ILRUN: variants seen among roughly 807,000 people sequenced by gnomAD.
The protein encoded by ILRUN is protein ILRUN.
A neutral mutation model predicts 33.8 loss-of-function variants in ILRUN; 3 were observed. That is an observed-to-expected ratio of 0.09 (90% CI 0.04 to 0.23). The LOEUF (loss-of-function observed/expected upper bound fraction) is 0.23, where lower values mean the gene tolerates loss of function less well. Among genes scored for constraint, ILRUN ranks in the 10% least tolerant of loss-of-function variants. The pLI is 1.00. For synonymous variants in ILRUN, 124 were observed against 138.9 expected, an observed-to-expected ratio of 0.89 and a Z score of 0.75; for missense variants, 210 against 375.1, an observed-to-expected ratio of 0.56 and a Z score of 3.64.
intron 1 of ILRUN, among the ~76,000 whole-genome samples, chr6:34,656,544 C>A (rs1762775348): frequency 6.6e-6 from 1 of 152,188 alleles, no homozygotes; most frequent in African/African-American, 2.4e-5. Flanking sequence ...TCTCCACTTC[C>A]CACGCTATGT....
At chr6:34,694,203 C>T (rs1763707364) in intron 1 of ILRUN, among the ~76,000 whole-genome samples, 1 of 151,992 alleles carries the variant, frequency 6.6e-6, no homozygotes, top group Non-Finnish European at 1.5e-5. Context: ...AAATACATAC[C>T]TCAAACATAT....
chr6:34,638,172 G>T (rs1762404080), intron 3 of ILRUN, among the ~76,000 whole-genome samples: 1 of 152,096 alleles, frequency 6.6e-6, no homozygotes, highest in East Asian at 1.9e-4. Flanking sequence ...ACAGGCATGA[G>T]CCACCATGCC....
intron 2 of ILRUN, among the ~76,000 whole-genome samples, chr6:34,648,374 C>T (rs889753815): frequency 6.6e-6 from 1 of 152,114 alleles, no homozygotes; most frequent in African/African-American, 2.4e-5. Context: ...AGAAACCAGA[C>T]AGAGAAAGGC....
At chr6:34,656,189 T>C (rs1178053129) in intron 1 of ILRUN, among the ~76,000 whole-genome samples, 2 of 129,202 alleles carry the variant, frequency 1.5e-5, no homozygotes, top group Non-Finnish European at 3.1e-5. Flanking sequence ...TGAGCCAAGA[T>C]AGCACCATTG....
intron 1 of ILRUN, among the ~76,000 whole-genome samples, chr6:34,678,281 T>C (rs1185844431): frequency 2.6e-5 from 4 of 152,134 alleles, no homozygotes; most frequent in Admixed American, 2.6e-4. Context: ...CCTTGGGTGA[T>C]CCACCCGCCT....
intron 1 of ILRUN, among the ~76,000 whole-genome samples, chr6:34,658,885 C>T (rs1366025528): frequency 6.6e-6 from 1 of 152,200 alleles, no homozygotes. Context: ...CTAAGCCTTT[C>T]CCCATCAGTT....
intron 3 of ILRUN, among the ~76,000 whole-genome samples, chr6:34,613,791 C>T (rs1437857120): frequency 2.4e-4 from 36 of 152,210 alleles, no homozygotes; most frequent in Admixed American, 2.4e-3. Flanking sequence ...TATTATCTAG[C>T]TCTGTTTGCC....
intron 3 of ILRUN, among the ~76,000 whole-genome samples, chr6:34,636,542 T>C (rs143119330): frequency 5.7e-4 from 87 of 152,284 alleles, no homozygotes; most frequent in African/African-American, 2.0e-3. Flanking sequence ...CAATCTGCTT[T>C]TCAATAGGAG....
intron 1 of ILRUN, among the ~76,000 whole-genome samples, chr6:34,691,838 C>A (rs1347435225): frequency 6.6e-6 from 1 of 152,006 alleles, no homozygotes; most frequent in Non-Finnish European, 1.5e-5. Flanking sequence ...CAACCTAAGA[C>A]CAAACAAAAT....
Position 34,590,595 on chromosome 6 carries a change from G to A in ILRUN, c.867C>T (p.Leu289=), listed in dbSNP as rs773294367. The change falls in exon 5 of 5, where the codon CTC becomes CTT. Residue 289 remains leucine (L), a synonymous_variant. Coordinates refer to ENST00000374023, the MANE Select transcript of ILRUN (RefSeq NM_024294.4). ...NLSVVTYSKG[L]HGPYPFGQS is the part of the protein sequence containing the mutation. Reference sequence around the variant, plus strand: ...ACTGGCCGAAGGGGTAAGGCCCATGGAGCCCCTGGAAGAGAGTGAAGATAG... The same window carrying A: ...ACTGGCCGAAGGGGTAAGGCCCATGAAGCCCCTGGAAGAGAGTGAAGATAG... 6.2e-7 allele frequency: 1 copy of A among 1,609,328 alleles called. No individual in the cohort carries two copies. The highest frequency in any genetic ancestry group is 1.1e-5 in the South Asian group (1 of 90,990).
rs1761305023 is a variant in ILRUN, at chr6:34,592,049, C to G, written c.862-1449G>C. Among the ~76,000 whole-genome samples the G allele has an allele frequency of 6.6e-6, 1 of 152,160 alleles. No homozygotes were observed. Among genetic ancestry groups the G allele is most frequent in the African/African-American group, 2.4e-5 (1 of 41,440 alleles). ...AGCAGCTACACAAACCACGAACACGCTGGACCATGACGTGTGCTTCCTCCC... is the reference window on the plus strand; with the variant it reads ...AGCAGCTACACAAACCACGAACACGGTGGACCATGACGTGTGCTTCCTCCC... On this transcript the variant is annotated intron_variant, in intron 4 of 4. Transcript: ENST00000374023. The surrounding 1 kb of genome is among the most constrained non-coding windows in gnomAD (Gnocchi z 4.0).
At chr6:34,686,335 CA>C (rs1482136575) in intron 1 of ILRUN, among the ~76,000 whole-genome samples, 1 of 151,254 alleles carries the variant, frequency 6.6e-6, no homozygotes, top group African/African-American at 2.4e-5. Flanking sequence ...CCTGTCTCTA[CA>C]AAAATACAAA....
chr6:34,653,914 T>C (rs924363617), intron 2 of ILRUN, among the ~76,000 whole-genome samples: 2 of 142,034 alleles, frequency 1.4e-5, no homozygotes, highest in African/African-American at 5.4e-5. Flanking sequence ...AAGGCTATAG[T>C]GAGCCATGAT....
Position 34,683,462 on chromosome 6 carries a change from A to G in ILRUN, c.158+12984T>C, listed in dbSNP as rs1281886040. 4.9e-4 allele frequency among the ~76,000 whole-genome samples: 55 copies of G among 112,432 alleles called. 1 individual carries two copies. The highest frequency in any genetic ancestry group is 2.2e-3 in the African/African-American group (49 of 22,360). 73.8% of individuals were successfully genotyped at this position (112,432 alleles called of 152,430 possible). On this transcript the variant is annotated intron_variant, in intron 1 of 4. Coordinates refer to ENST00000374023, the MANE Select transcript of ILRUN (RefSeq NM_024294.4). ...TATACATATATATATACATATATATACATATATATACACATATATATATAC... is the reference window on the plus strand; with the variant it reads ...TATACATATATATATACATATATATGCATATATATACACATATATATATAC...
At chr6:34,683,522 A>T (rs796436604) in intron 1 of ILRUN, among the ~76,000 whole-genome samples, 1 of 89,436 alleles carries the variant, frequency 1.1e-5, no homozygotes, top group Non-Finnish European at 2.1e-5. Flanking sequence ...ATACATATAT[A>T]TATATACATA....
chr6:34,674,050 C>T (rs569099382), intron 1 of ILRUN, among the ~76,000 whole-genome samples: 22 of 151,848 alleles, frequency 1.4e-4, no homozygotes, highest in South Asian at 4.2e-4. Context: ...TTTTTTGAAA[C>T]GGAGTCTTGC....
At chr6:34,626,622 C>T (rs1212377023) in intron 3 of ILRUN, among the ~76,000 whole-genome samples, 1 of 152,188 alleles carries the variant, frequency 6.6e-6, no homozygotes, top group Non-Finnish European at 1.5e-5. Flanking sequence ...ACACCATTAT[C>T]ACCAAAAGTC....
At chr6:34,596,682 G>A (rs1582030066) in intron 4 of ILRUN, among the ~76,000 whole-genome samples, 1 of 152,144 alleles carries the variant, frequency 6.6e-6, no homozygotes, top group Non-Finnish European at 1.5e-5. Context: ...GGCTGAGAAT[G>A]AGCGTGAGAA....
intron 1 of ILRUN, among the ~76,000 whole-genome samples, chr6:34,661,921 T>C (rs369284250): frequency 5.3e-5 from 8 of 151,944 alleles, no homozygotes; most frequent in Non-Finnish European, 1.2e-4. Context: ...GTCAGGAGAT[T>C]GAGACCATCC....
Sources: gnomAD v4.1 joint callset for allele counts (sites outside exome capture counted in the v4.1 genomes callset) on GRCh38, gnomAD v4.1.1 for gene constraint, Gnocchi (gnomAD v3.1) non-coding constraint, MANE v1.5 for transcripts, NCBI Gene and HGNC (gene_info 2026-07-23, HGNC 2026-07-21) for gene names.